The following CNTNAP5 variants were observed in gnomAD, a reference collection of about 807,000 sequenced individuals.
CNTNAP5 encodes contactin associated protein family member 5.
CNTNAP5 carries 72 observed loss-of-function variants against 150.2 expected under a neutral mutation model. That is an observed-to-expected ratio of 0.48 (90% CI 0.40 to 0.58). CNTNAP5 has a LOEUF of 0.58. CNTNAP5 is among the 20% of genes least tolerant of loss of function. CNTNAP5 has a pLI of 0.00. For synonymous variants in CNTNAP5, 672 were observed against 619.8 expected (o/e 1.08, Z -1.25); for missense variants, 1,636 against 1,626.2 (o/e 1.01, Z -0.10).
At chr2:124,524,249 T>C (rs1006877328) in intron 8 of CNTNAP5, 54 bp from the exon 9 acceptor site, 3 of 1,594,424 alleles carry the variant, frequency 1.9e-6, no homozygotes, top group African/African-American at 2.7e-5. Flanking sequence ...GCCCCCTCTC[T>C]CTAAGTCTTC....
intron 3 of CNTNAP5, among the ~76,000 whole-genome samples, chr2:124,356,101 A>G (rs1311388297): frequency 1.3e-5 from 2 of 152,186 alleles, no homozygotes; most frequent in Admixed American, 6.5e-5. Flanking sequence ...TGACCAAATG[A>G]CAGAATAAAG....
chr2:124,213,371 C>T (rs1310040186), intron 1 of CNTNAP5, among the ~76,000 whole-genome samples: 1 of 152,074 alleles, frequency 6.6e-6, no homozygotes, highest in Non-Finnish European at 1.5e-5. Flanking sequence ...GAACTAGAAT[C>T]AAATCGTGAG....
chr2:124,721,500 A>AATAAATAAATAAATAAATAC (rs1553435284), intron 13 of CNTNAP5, among the ~76,000 whole-genome samples: 2 of 148,076 alleles, frequency 1.4e-5, no homozygotes, highest in African/African-American at 5.1e-5. Context: ...TAAATAAATA[A>AATAAATAAATAAATAAATAC]ATAAATAAAT....
intron 19 of CNTNAP5, among the ~76,000 whole-genome samples, chr2:124,822,111 C>G (rs1272210337): frequency 1.2e-4 from 18 of 152,184 alleles, no homozygotes; most frequent in Admixed American, 1.2e-3. Context: ...GTCTGCTTGA[C>G]TTTCAGTTAT....
chr2:124,532,845 T>C (rs1695142027), intron 10 of CNTNAP5, among the ~76,000 whole-genome samples: 1 of 152,160 alleles, frequency 6.6e-6, no homozygotes, highest in South Asian at 2.1e-4. Flanking sequence ...TTCAATTGCA[T>C]GACTGGAATG....
chr2:124,584,833 A>G (rs915252950), intron 11 of CNTNAP5, among the ~76,000 whole-genome samples: 6 of 152,216 alleles, frequency 3.9e-5, no homozygotes, highest in African/African-American at 1.2e-4. Context: ...ACTTATGACC[A>G]CAATATAACT....
chr2:124,752,059 T>G (rs954287432), intron 14 of CNTNAP5, among the ~76,000 whole-genome samples: 1 of 152,118 alleles, frequency 6.6e-6, no homozygotes, highest in Non-Finnish European at 1.5e-5. Flanking sequence ...CTGCTAATGT[T>G]GGAGTTTTGA....
At chr2:124,266,614 G>GT (rs1687613270) in intron 3 of CNTNAP5, among the ~76,000 whole-genome samples, 1 of 152,198 alleles carries the variant, frequency 6.6e-6, no homozygotes, top group Non-Finnish European at 1.5e-5. Flanking sequence ...TGCAGGAGGA[G>GT]TATTTTTCCT....
chr2:124,667,473 C>A (rs930469982), intron 13 of CNTNAP5, among the ~76,000 whole-genome samples: 9 of 152,204 alleles, frequency 5.9e-5, no homozygotes, highest in African/African-American at 2.2e-4. Flanking sequence ...CTGCTCCTTG[C>A]CATTTTGGTC....
chr2:124,418,201 G>A (rs551974938), intron 4 of CNTNAP5, among the ~76,000 whole-genome samples: 6 of 152,130 alleles, frequency 3.9e-5, no homozygotes, highest in African/African-American at 7.2e-5. Flanking sequence ...TCTTTCCTGC[G>A]CGCTTTATAC....
intron 11 of CNTNAP5, among the ~76,000 whole-genome samples, chr2:124,609,036 C>T (rs183190633): frequency 2.6e-4 from 39 of 152,174 alleles, no homozygotes; most frequent in Admixed American, 1.2e-3. Context: ...AACATTGGCT[C>T]AGGCCCTGCT....
chr2:124,783,940 C>T (rs1163593287), intron 17 of CNTNAP5, among the ~76,000 whole-genome samples: 1 of 152,132 alleles, frequency 6.6e-6, no homozygotes, highest in East Asian at 1.9e-4. Flanking sequence ...GGATTTCCTC[C>T]TGGTACCAAG....
intron 19 of CNTNAP5, among the ~76,000 whole-genome samples, chr2:124,859,333 G>T (rs2104712910): frequency 6.6e-6 from 1 of 152,314 alleles, no homozygotes; most frequent in Admixed American, 6.5e-5. Flanking sequence ...GGCCATCAGA[G>T]AAATGCAAAT....
intron 12 of CNTNAP5, among the ~76,000 whole-genome samples, chr2:124,617,987 C>T (rs967134575): frequency 9.9e-5 from 15 of 152,034 alleles, no homozygotes; most frequent in Non-Finnish European, 2.2e-4. Context: ...GACCAGCATC[C>T]CTAGAACCTG....
chr2:124,606,051 G>C (rs1399950217), intron 11 of CNTNAP5, among the ~76,000 whole-genome samples: 1 of 151,954 alleles, frequency 6.6e-6, no homozygotes, highest in Non-Finnish European at 1.5e-5. Flanking sequence ...ATAGTTGTTA[G>C]TAAATTTGGA....
At position 124,445,121 on chromosome 2, in the gene CNTNAP5, G is replaced by A. The variant is rs886875377; in HGVS notation, c.734-1632G>A. Reference sequence around the variant, plus strand: ...TTTTTTTAGATGAAGTTTTGCTCTTGTGGCCTGGCCCAGGCTGGAGTGCAG... The same window carrying A: ...TTTTTTTAGATGAAGTTTTGCTCTTATGGCCTGGCCCAGGCTGGAGTGCAG... On this transcript the variant is annotated intron_variant, in intron 5 of 23. Coordinates refer to ENST00000682447, the MANE Select transcript of CNTNAP5 (RefSeq NM_001367498.1). 5.3e-5 allele frequency among the ~76,000 whole-genome samples: 7 copies of A among 132,860 alleles called. No individual in the cohort carries two copies. The South Asian group carries it at 1.7e-3, about 32-fold the overall frequency. 87.2% of individuals were successfully genotyped at this position (132,860 alleles called of 152,430 possible).
intron 3 of CNTNAP5, among the ~76,000 whole-genome samples, chr2:124,405,089 T>C (rs1691536876): frequency 6.6e-6 from 1 of 152,120 alleles, no homozygotes; most frequent in African/African-American, 2.4e-5. Flanking sequence ...TTCTGAGAAC[T>C]AGTGCATATA....
At chr2:124,553,602 T>C (rs766071126) in intron 10 of CNTNAP5, among the ~76,000 whole-genome samples, 1 of 152,186 alleles carries the variant, frequency 6.6e-6, no homozygotes, top group Non-Finnish European at 1.5e-5. Context: ...CAAAATGTTT[T>C]TCTGTAATAT....
At chr2:124,693,079 G>C (rs896432995) in intron 13 of CNTNAP5, among the ~76,000 whole-genome samples, 3 of 151,974 alleles carry the variant, frequency 2.0e-5, no homozygotes, top group East Asian at 3.9e-4. Flanking sequence ...AGCATGGCTT[G>C]GTAGCAAGAG....
Sources: allele counts gnomAD v4.1 joint callset (sites outside exome capture counted in the v4.1 genomes callset), GRCh38; gene constraint gnomAD v4.1.1; transcripts MANE v1.5; gene names NCBI Gene and HGNC (gene_info 2026-07-23, HGNC 2026-07-21).